Variants in PELI1 observed in about 807,000 individuals in gnomAD.
The protein encoded by PELI1 is pellino E3 ubiquitin protein ligase 1, also known as E3 ubiquitin-protein ligase pellino homolog 1.
A neutral mutation model predicts 41.3 loss-of-function variants in PELI1; 15 were observed. The ratio of observed to expected loss-of-function variants is 0.36; its 90% CI spans 0.24 to 0.56. The LOEUF (loss-of-function observed/expected upper bound fraction) is 0.56. Among genes scored for constraint, PELI1 ranks in the 20% least tolerant of loss-of-function variants. The probability of loss-of-function intolerance (pLI) is 0.82; values close to 1 mark genes in which losing one functional copy is unlikely to be tolerated. For missense variants in PELI1, 403 were observed against 525.5 expected (o/e 0.77, Z 2.28); for synonymous variants, 178 against 180.1 (o/e 0.99, Z 0.09).
chr2:64,113,850 AAAG>A (rs1432261345), intron 1 of PELI1, among the ~76,000 whole-genome samples: 1 of 152,202 alleles, frequency 6.6e-6, no homozygotes, highest in Non-Finnish European at 1.5e-5. Context: ...AGTTTCACCT[AAAG>A]AAGAAAAACT....
At chr2:64,095,669 A>G (rs1295747914) in intron 6 of PELI1, among the ~76,000 whole-genome samples, 1 of 151,852 alleles carries the variant, frequency 6.6e-6, no homozygotes, top group Admixed American at 6.6e-5. Flanking sequence ...AGAGTTTACT[A>G]AAATGCTCTT....
chr2:64,133,089 C>T (rs1354272603), intron 1 of PELI1, among the ~76,000 whole-genome samples: 2 of 152,100 alleles, frequency 1.3e-5, no homozygotes, highest in Non-Finnish European at 2.9e-5. Flanking sequence ...TACATCACTT[C>T]GAATTTCACT....
chr2:64,114,534 C>T (rs1235230049), intron 1 of PELI1, among the ~76,000 whole-genome samples: 2 of 152,202 alleles, frequency 1.3e-5, no homozygotes, highest in Non-Finnish European at 2.9e-5. Flanking sequence ...CAGGACACCA[C>T]CTGTGTAAAT....
At chr2:64,121,263 A>G (rs563098267) in intron 1 of PELI1, among the ~76,000 whole-genome samples, 2 of 152,326 alleles carry the variant, frequency 1.3e-5, no homozygotes, top group South Asian at 4.1e-4. Context: ...GAAGCCGGAC[A>G]TGACAAATTT....
intron 1 of PELI1, among the ~76,000 whole-genome samples, chr2:64,110,299 G>A (rs182696816): frequency 2.7e-5 from 4 of 148,258 alleles, no homozygotes; most frequent in Non-Finnish European, 4.5e-5. Context: ...GAGAGAGAGA[G>A]AGAACACTGC....
intron 1 of PELI1, among the ~76,000 whole-genome samples, chr2:64,130,128 T>C (rs1048917840): frequency 6.6e-6 from 1 of 151,918 alleles, no homozygotes; most frequent in Non-Finnish European, 1.5e-5. Flanking sequence ...TCCCAACTTT[T>C]CCCCCCAATT....
At chr2:64,121,416 T>C (rs193032009) in intron 1 of PELI1, among the ~76,000 whole-genome samples, 11 of 152,314 alleles carry the variant, frequency 7.2e-5, no homozygotes, top group African/African-American at 2.6e-4. Flanking sequence ...TGCTTAATCC[T>C]AGGGAAACCA....
Position 64,094,611 on chromosome 2 carries a change from A to G in PELI1, c.*91T>C, listed in dbSNP as rs1680163516. 1 of 797,510 alleles carries G rather than the reference A, an allele frequency of 1.3e-6. No individual in the cohort carries two copies. The highest frequency in any genetic ancestry group is 2.0e-6 in the Non-Finnish European group (1 of 491,566). 49.4% of individuals were successfully genotyped at this position (797,510 alleles called of 1,614,324 possible). A position where few individuals can be genotyped will look rare whatever the true frequency, so the allele number is the denominator to read the frequency against. ...TCTTCATCTTAATGCAAATGACCAG[A>G]GCAGAAAAACTGTGACGTGGACAAC... On this transcript the variant is annotated 3_prime_UTR_variant, in exon 7 of 7. Transcript: ENST00000358912.
At position 64,094,115 on chromosome 2, in the gene PELI1, A is replaced by G. The variant is rs1459999178; in HGVS notation, c.*587T>C. The G allele has an allele frequency of 6.6e-6, 1 of 152,624 alleles. No homozygotes were observed. Among genetic ancestry groups the G allele is most frequent in the African/African-American group, 2.4e-5 (1 of 41,452 alleles). The allele number at this position is 152,624 out of a possible 1,614,324, so 9.5% of individuals were successfully genotyped here. ...AAATTACAAAGTATTCTAATTTACCAAATTCCATATTTAGATTGGGGTGGG... is the reference window on the plus strand; with the variant it reads ...AAATTACAAAGTATTCTAATTTACCGAATTCCATATTTAGATTGGGGTGGG... On this transcript the variant is annotated 3_prime_UTR_variant, in exon 7 of 7. Coordinates refer to ENST00000358912, the MANE Select transcript of PELI1 (RefSeq NM_020651.4).
intron 1 of PELI1, among the ~76,000 whole-genome samples, chr2:64,112,240 T>C (rs1481537208): frequency 6.6e-6 from 1 of 152,228 alleles, no homozygotes; most frequent in Admixed American, 6.5e-5. Context: ...AGTATTAGCC[T>C]GTGTTCTAGT....
intron 3 of PELI1, among the ~76,000 whole-genome samples, chr2:64,103,345 T>C (rs141250132): frequency 1.7e-4 from 26 of 152,318 alleles, no homozygotes; most frequent in African/African-American, 5.8e-4. Flanking sequence ...AAGGGGCATC[T>C]GAAAATATGC....
At chr2:64,118,197 A>G (rs1392988278) in intron 1 of PELI1, among the ~76,000 whole-genome samples, 1 of 152,198 alleles carries the variant, frequency 6.6e-6, no homozygotes, top group Non-Finnish European at 1.5e-5. Flanking sequence ...CAATAAATAT[A>G]TACAGCTGGG....
At position 64,108,210 on chromosome 2, in the gene PELI1, T is replaced by C. The variant is rs371738614; in HGVS notation, c.71+30A>G. The C allele has an allele frequency of 6.3e-6, 8 of 1,275,340 alleles. No homozygotes were observed. The Admixed American group carries it at 8.7e-5, about 14-fold the overall frequency. The allele number at this position is 1,275,340 out of a possible 1,614,324, so 79.0% of individuals were successfully genotyped here. ...CCAAAGTTAGCATATATTATTAAAC[T>C]GTGTGTGTCATCAAATGGAGAAACC... On this transcript the variant is annotated intron_variant, in intron 2 of 6. Coordinates refer to ENST00000358912, the MANE Select transcript of PELI1 (RefSeq NM_020651.4).
chr2:64,125,468 A>G (rs1681354944), intron 1 of PELI1, among the ~76,000 whole-genome samples: 2 of 152,246 alleles, frequency 1.3e-5, no homozygotes, highest in African/African-American at 4.8e-5. Context: ...ACAGCATCGA[A>G]GTAAGCTGAA....
At chr2:64,129,306 G>C (rs1276016730) in intron 1 of PELI1, among the ~76,000 whole-genome samples, 1 of 152,158 alleles carries the variant, frequency 6.6e-6, no homozygotes, top group Non-Finnish European at 1.5e-5. Flanking sequence ...TTTTTAGACA[G>C]CAATAAGTTG....
intron 1 of PELI1, among the ~76,000 whole-genome samples, chr2:64,134,482 A>C (rs1337829732): frequency 6.6e-6 from 1 of 152,166 alleles, no homozygotes; most frequent in Non-Finnish European, 1.5e-5. Context: ...AAGTATATTT[A>C]AAAAGCTTTT....
intron 1 of PELI1, among the ~76,000 whole-genome samples, chr2:64,113,760 T>C (rs1680901175): frequency 6.6e-6 from 1 of 152,208 alleles, no homozygotes; most frequent in South Asian, 2.1e-4. Context: ...ATTCTAATCA[T>C]TTCCTTTTTA....
At chr2:64,126,863 G>T (rs975755742) in intron 1 of PELI1, among the ~76,000 whole-genome samples, 1 of 152,082 alleles carries the variant, frequency 6.6e-6, no homozygotes, top group Non-Finnish European at 1.5e-5. Context: ...AAAAGACAAG[G>T]GGTAAAAAGT....
intron 2 of PELI1, among the ~76,000 whole-genome samples, chr2:64,106,918 A>G (rs903917642): frequency 6.6e-6 from 1 of 152,134 alleles, no homozygotes; most frequent in African/African-American, 2.4e-5. Context: ...AAATAAAATT[A>G]GCAATTTTCT....
Sources: allele counts gnomAD v4.1 joint callset (sites outside exome capture counted in the v4.1 genomes callset), GRCh38; gene constraint gnomAD v4.1.1; transcripts MANE v1.5; gene names NCBI Gene and HGNC (gene_info 2026-07-23, HGNC 2026-07-21).